PRPSAP2: variants seen among roughly 807,000 people sequenced by gnomAD.
PRPSAP2 encodes phosphoribosyl pyrophosphate synthase-associated protein 2.
A neutral mutation model predicts 40.6 loss-of-function variants in PRPSAP2; 24 were observed. The observed-to-expected ratio is 0.59, with a 90% confidence interval of 0.43 to 0.83. The LOEUF is 0.83. PRPSAP2 is among the 40% of genes least tolerant of loss of function. The pLI, the probability that PRPSAP2 is intolerant of heterozygous loss-of-function variation, is 0.00. For missense variants in PRPSAP2, 292 were observed against 465.6 expected, an observed-to-expected ratio of 0.63 and a Z score of 3.43; for synonymous variants, 149 against 164.7, an observed-to-expected ratio of 0.90 and a Z score of 0.73.
intron 10 of PRPSAP2, among the ~76,000 whole-genome samples, chr17:18,925,589 A>G (rs573280990): frequency 1.3e-5 from 2 of 152,332 alleles, no homozygotes; most frequent in African/African-American, 4.8e-5. Flanking sequence ...GATTGAGGCA[A>G]TGGTACTGCT....
In PRPSAP2 at chr17:18,877,704, G is replaced by A. The variant is rs969821441; in HGVS notation, c.246G>A (p.Val82=). 6.2e-7 allele frequency: 1 copy of A among 1,606,406 alleles called. No homozygotes were observed. Among genetic ancestry groups the A allele is most frequent in the Non-Finnish European group, 8.5e-7 (1 of 1,177,622 alleles). The change falls in exon 6 of 12, where the codon GTG becomes GTA. Residue 82 remains valine (V), a synonymous_variant. Coordinates refer to ENST00000268835, the MANE Select transcript of PRPSAP2 (RefSeq NM_002767.4). ...TGCTGTGTCTTTGTTACAGGGACGT[G>A]AACACCACCATCATGGAGCTCCTGA... ...VFIIQTVSKD[V]NTTIMELLIM... is the part of the protein sequence containing the mutation.
At chr17:18,874,079 A>AT (rs2038096846) in intron 5 of PRPSAP2, among the ~76,000 whole-genome samples, 1 of 151,550 alleles carries the variant, frequency 6.6e-6, no homozygotes, top group Non-Finnish European at 1.5e-5. Context: ...TCGTTTTTTC[A>AT]TTTTTTGTAG....
At chr17:18,926,424 G>A (rs1198134114) in intron 10 of PRPSAP2, among the ~76,000 whole-genome samples, 2 of 151,512 alleles carry the variant, frequency 1.3e-5, no homozygotes, top group Admixed American at 6.6e-5. Context: ...ACGCCACCAC[G>A]TCCGGCTAAT....
intron 8 of PRPSAP2, among the ~76,000 whole-genome samples, chr17:18,891,815 A>G (rs760361889): frequency 6.6e-6 from 1 of 152,162 alleles, no homozygotes; most frequent in Non-Finnish European, 1.5e-5. Context: ...AGCAGTTTTC[A>G]AGGTTCATCT....
Position 18,928,820 on chromosome 17 carries a change from A to G in PRPSAP2, c.814A>G (p.Ile272Val), listed in dbSNP as rs910109862. The change falls in exon 11 of 12, where the codon ATT becomes GTT. Residue 272 changes from isoleucine to valine, a missense_variant. Physicochemically the swap from Ile to Val is conservative, Grantham distance 29 (BLOSUM62 3). Transcript: ENST00000268835. Reference sequence around the variant, plus strand: ...ATCTGTGCTTTGGCAGGATGACATCATTGATGATGTTGACAGCTTTCTTGC... The same window carrying G: ...ATCTGTGCTTTGGCAGGATGACATCGTTGATGATGTTGACAGCTTTCTTGC... ...GRIAIIVDDI[I>V]DDVDSFLAAA... 4 of 1,613,906 alleles carry G rather than the reference A, an allele frequency of 2.5e-6. No individual in the cohort carries two copies. Among genetic ancestry groups the G allele is most frequent in the Non-Finnish European group, 3.4e-6 (4 of 1,179,868 alleles).
intron 7 of PRPSAP2, among the ~76,000 whole-genome samples, chr17:18,884,339 A>T (rs1376786230): frequency 4.6e-5 from 2 of 43,928 alleles, no homozygotes; most frequent in Admixed American, 3.4e-4. Flanking sequence ...TACCTGAAAA[A>T]TTTTATGTTT....
intron 6 of PRPSAP2, among the ~76,000 whole-genome samples, chr17:18,879,603 A>G (rs1051847268): frequency 6.6e-6 from 1 of 151,762 alleles, no homozygotes; most frequent in Admixed American, 6.6e-5. Context: ...ACTGGCGCCC[A>G]CCACCACGCC....
At chr17:18,873,765 G>A (rs1309856096) in intron 5 of PRPSAP2, among the ~76,000 whole-genome samples, 7 of 152,174 alleles carry the variant, frequency 4.6e-5, no homozygotes, top group Admixed American at 4.6e-4. Context: ...TTCCTGTCTG[G>A]TGTGACCTTT....
intron 8 of PRPSAP2, among the ~76,000 whole-genome samples, chr17:18,904,029 C>T (rs930977252): frequency 7.2e-5 from 11 of 152,090 alleles, no homozygotes; most frequent in Non-Finnish European, 1.3e-4. Flanking sequence ...CTGGGGCTGA[C>T]TTTTATCAGT....
intron 8 of PRPSAP2, among the ~76,000 whole-genome samples, chr17:18,909,838 G>C (rs1360912341): frequency 6.6e-6 from 1 of 151,866 alleles, no homozygotes; most frequent in African/African-American, 2.4e-5. Context: ...CTGGGAGGTG[G>C]AGGTTCACAC....
intron 4 of PRPSAP2, among the ~76,000 whole-genome samples, chr17:18,870,491 T>C (rs1388733391): frequency 6.6e-6 from 1 of 151,904 alleles, no homozygotes; most frequent in African/African-American, 2.4e-5. Flanking sequence ...TAAATAAATA[T>C]GATACCATTA....
Position 18,886,985 on chromosome 17 carries a change from G to A in PRPSAP2, c.529-2837G>A, listed in dbSNP as rs188315713. Among the ~76,000 whole-genome samples the A allele has an allele frequency of 1.0e-3, 133 of 129,508 alleles. 1 individual carries two copies. The highest frequency in any genetic ancestry group is 3.9e-3 in the African/African-American group (130 of 33,520). The allele number at this position is 129,508 out of a possible 152,430, so 85.0% of individuals were successfully genotyped here. A position where few individuals can be genotyped will look rare whatever the true frequency, so the allele number is the denominator to read the frequency against. On this transcript the variant is annotated intron_variant, in intron 7 of 11. Coordinates refer to ENST00000268835, the MANE Select transcript of PRPSAP2 (RefSeq NM_002767.4). ...GAGTTTTGCTCTTGTTGCCCAGGCT[G>A]GAGTGCAGTGGCGCAATCTCAGCTC...
intron 9 of PRPSAP2, among the ~76,000 whole-genome samples, chr17:18,913,995 G>A (rs1318858527): frequency 6.6e-6 from 1 of 151,450 alleles, no homozygotes; most frequent in Non-Finnish European, 1.5e-5. Flanking sequence ...CCAACATGAT[G>A]AAACCCCGTC....
upstream of PRPSAP2, chr17:18,856,579 T>G (rs1051597691): frequency 1.3e-5 from 2 of 152,234 alleles, no homozygotes; most frequent in African/African-American, 4.8e-5. Context: ...GCTTGTATTC[T>G]TCGTTTCTAA....
At chr17:18,870,058 A>G (rs945749087) in intron 4 of PRPSAP2, among the ~76,000 whole-genome samples, 3 of 152,012 alleles carry the variant, frequency 2.0e-5, no homozygotes, top group African/African-American at 7.2e-5. Context: ...CATGTTGGCC[A>G]GGTTGGTCTC....
At chr17:18,891,920 G>A (rs536520036) in intron 8 of PRPSAP2, among the ~76,000 whole-genome samples, 22 of 152,314 alleles carry the variant, frequency 1.4e-4, no homozygotes, top group African/African-American at 5.1e-4. Flanking sequence ...GCAGTGGCAC[G>A]ATCTCAGCTC....
chr17:18,887,999 C>T (rs1400209183), intron 7 of PRPSAP2, among the ~76,000 whole-genome samples: 2 of 53,288 alleles, frequency 3.8e-5, no homozygotes, highest in Non-Finnish European at 7.9e-5. Context: ...TGCGGCCTTC[C>T]GCAGTGTTTG....
rs997117257 is a variant in PRPSAP2, at chr17:18,930,964, C to T, written c.*266C>T. 7 of 247,712 alleles carry T rather than the reference C, an allele frequency of 2.8e-5. No individual in the cohort carries two copies. The Admixed American group carries it at 3.1e-4, about 11-fold the overall frequency. The allele number at this position is 247,712 out of a possible 1,614,324, so 15.3% of individuals were successfully genotyped here. ...TTAGTTGTAACTGTTTAAAAAATAA[C>T]ACTTGGAATAAGATTTGTAAGCTCA... On this transcript the variant is annotated 3_prime_UTR_variant, in exon 12 of 12. Transcript: ENST00000268835.
chr17:18,876,400 G>A (rs1463230210), intron 5 of PRPSAP2, among the ~76,000 whole-genome samples: 1 of 152,122 alleles, frequency 6.6e-6, no homozygotes, highest in East Asian at 1.9e-4. Context: ...CAGGGTGAAA[G>A]TCTCTTTTAA....
Sources: gnomAD v4.1 joint callset for allele counts (sites outside exome capture counted in the v4.1 genomes callset) on GRCh38, gnomAD v4.1.1 for gene constraint, MANE v1.5 for transcripts, NCBI Gene and HGNC (gene_info 2026-07-23, HGNC 2026-07-21) for gene names.